KLHL29: variants seen among roughly 807,000 people sequenced by gnomAD.
KLHL29 encodes the protein kelch like family member 29, also known as kelch-like protein 29.
A neutral mutation model predicts 80.4 loss-of-function variants in KLHL29; 21 were observed. That is an observed-to-expected ratio of 0.26 (90% CI 0.19 to 0.38). The LOEUF (loss-of-function observed/expected upper bound fraction) is 0.38. Ranked by LOEUF, KLHL29 falls within the 10% of genes least tolerant of loss-of-function variation. KLHL29 has a pLI of 1.00. For synonymous variants in KLHL29, 511 were observed against 526.8 expected, an observed-to-expected ratio of 0.97 and a Z score of 0.41; for missense variants, 867 against 1,223.9, an observed-to-expected ratio of 0.71 and a Z score of 4.35.
intron 1 of KLHL29, among the ~76,000 whole-genome samples, chr2:23,419,245 C>T (rs1172820739): frequency 6.6e-6 from 1 of 152,248 alleles, no homozygotes; most frequent in African/African-American, 2.4e-5. Context: ...TGGCCCCGCC[C>T]TCTGGCCAGA....
rs182652834 is a variant in KLHL29 at position 23,591,964 on chromosome 2, G to A, written c.285+29483G>A. ...TCCTGAAGTCTTTCTTGCCAAGCCC[G>A]TTTAGCCTCAGAGCAGCTCCCCTTA... On this transcript the variant is annotated intron_variant, in intron 3 of 13. Transcript: ENST00000486442. Among the ~76,000 whole-genome samples the A allele has an allele frequency of 1.4e-3, 214 of 152,304 alleles. 1 individual carries two copies. The highest frequency in any genetic ancestry group is 5.0e-3 in the African/African-American group (209 of 41,570).
At chr2:23,619,503 C>G (rs1669112657) in intron 3 of KLHL29, among the ~76,000 whole-genome samples, 1 of 152,102 alleles carries the variant, frequency 6.6e-6, no homozygotes, top group South Asian at 2.1e-4. Context: ...GGCACTGACA[C>G]TGATGTGAGG....
At chr2:23,401,371 C>T (rs1666595671) in intron 1 of KLHL29, among the ~76,000 whole-genome samples, 1 of 152,212 alleles carries the variant, frequency 6.6e-6, no homozygotes, top group Non-Finnish European at 1.5e-5. Flanking sequence ...CACCAGGTCA[C>T]TGACAGCTAA....
At chr2:23,455,435 T>C (rs1664022637) in intron 1 of KLHL29, among the ~76,000 whole-genome samples, 1 of 152,218 alleles carries the variant, frequency 6.6e-6, no homozygotes, top group Non-Finnish European at 1.5e-5. Flanking sequence ...CTGTTGTTAG[T>C]GAAGGTCTTT....
At chr2:23,602,083 G>C (rs1313092562) in intron 3 of KLHL29, among the ~76,000 whole-genome samples, 1 of 152,178 alleles carries the variant, frequency 6.6e-6, no homozygotes, top group Non-Finnish European at 1.5e-5. Flanking sequence ...ACACAGCAAG[G>C]GTCCCCCAGT....
intron 3 of KLHL29, among the ~76,000 whole-genome samples, chr2:23,601,170 G>A (rs747007401): frequency 1.3e-5 from 2 of 152,106 alleles, no homozygotes; most frequent in Non-Finnish European, 2.9e-5. Context: ...GAACACTCAC[G>A]CTCCAAGACC....
chr2:23,548,846 C>A (rs971676435), intron 2 of KLHL29, among the ~76,000 whole-genome samples: 1 of 152,188 alleles, frequency 6.6e-6, no homozygotes, highest in Non-Finnish European at 1.5e-5. Flanking sequence ...ATTGAGTCTT[C>A]CGGGGGCTAT....
At chr2:23,575,081 C>T (rs183079534) in intron 3 of KLHL29, among the ~76,000 whole-genome samples, 1 of 152,304 alleles carries the variant, frequency 6.6e-6, no homozygotes, top group Admixed American at 6.5e-5. Context: ...CTCCCATTTG[C>T]TCCTCCCCCA....
intron 5 of KLHL29, among the ~76,000 whole-genome samples, chr2:23,663,132 C>G (rs957130879): frequency 3.3e-5 from 5 of 152,302 alleles, no homozygotes; most frequent in African/African-American, 1.2e-4. Context: ...CTGCTCCTCG[C>G]TGCTCCTCGC....
intron 3 of KLHL29, among the ~76,000 whole-genome samples, chr2:23,564,675 C>G (rs923799020): frequency 6.6e-6 from 1 of 152,242 alleles, no homozygotes; most frequent in Non-Finnish European, 1.5e-5. Flanking sequence ...GTGTCTGACC[C>G]CGTGCCAAGA....
chr2:23,582,535 G>A (rs1668012648), intron 3 of KLHL29, among the ~76,000 whole-genome samples: 1 of 152,166 alleles, frequency 6.6e-6, no homozygotes, highest in Non-Finnish European at 1.5e-5. Context: ...TCCTGAGATT[G>A]TCCTGCCCCT....
In KLHL29 at chr2:23,457,999, C is replaced by T. The variant is rs1489842087; in HGVS notation, c.-153-17561C>T. ...CTGCACTCCAGCCTGGGCGACAGAG[C>T]GAGACTCTGTCTCAAAAAATAAAAA... On this transcript the variant is annotated intron_variant, in intron 1 of 13. Coordinates refer to ENST00000486442, the MANE Select transcript of KLHL29 (RefSeq NM_052920.2). This position sits in a 1 kb window ranked among gnomAD's most constrained non-coding sequence, Gnocchi z 4.3. Among the ~76,000 whole-genome samples the T allele has an allele frequency of 6.6e-6, 1 of 151,838 alleles. No homozygotes were observed.
intron 3 of KLHL29, among the ~76,000 whole-genome samples, chr2:23,625,589 T>G (rs1669288310): frequency 6.6e-6 from 1 of 152,194 alleles, no homozygotes; most frequent in Non-Finnish European, 1.5e-5. Context: ...CTGTCTCCAT[T>G]CAACACTCCC....
rs549022250 is a variant in KLHL29 at position 23,587,448 on chromosome 2, G to A, written c.285+24967G>A. Among the ~76,000 whole-genome samples the A allele has an allele frequency of 7.9e-5, 12 of 152,104 alleles. No individual in the cohort carries two copies. In the South Asian group the frequency reaches 1.7e-3, roughly 21 times the overall value. On this transcript the variant is annotated intron_variant, in intron 3 of 13. Coordinates refer to ENST00000486442, the MANE Select transcript of KLHL29 (RefSeq NM_052920.2). ...GGAAATTTGCTGTTCTCAAGCCCTC[G>A]TACATGGAAATATAAGCCACCAGGA...
rs1054494433 is a variant in KLHL29 at position 23,629,078 on chromosome 2, G to A, written c.286-10061G>A. Among the ~76,000 whole-genome samples the A allele has an allele frequency of 1.1e-4, 17 of 152,350 alleles. No individual in the cohort carries two copies. The East Asian group carries it at 2.5e-3, about 23-fold the overall frequency. On this transcript the variant is annotated intron_variant, in intron 3 of 13. Coordinates refer to ENST00000486442, the MANE Select transcript of KLHL29 (RefSeq NM_052920.2). ...CGCGGTGACCAGAAACAGGCAGGGC[G>A]GCGGGGCCTCTGAGCAGGACGGGCC...
At chr2:23,428,243 G>A (rs1663059750) in intron 1 of KLHL29, among the ~76,000 whole-genome samples, 1 of 152,246 alleles carries the variant, frequency 6.6e-6, no homozygotes, top group Non-Finnish European at 1.5e-5. Context: ...GGGCAGAAAT[G>A]TAGGGGAGCT....
intron 3 of KLHL29, among the ~76,000 whole-genome samples, chr2:23,618,785 G>T (rs187375108): frequency 6.6e-6 from 1 of 152,146 alleles, no homozygotes; most frequent in African/African-American, 2.4e-5. Flanking sequence ...TTAAGGCAGG[G>T]GTTGAAATCT....
intron 2 of KLHL29, among the ~76,000 whole-genome samples, chr2:23,483,719 G>C (rs1664858223): frequency 6.6e-6 from 1 of 152,176 alleles, no homozygotes; most frequent in Admixed American, 6.5e-5. Flanking sequence ...AGGGGTTCTT[G>C]TTGCCATTTA....
chr2:23,594,198 C>T (rs1668339226), intron 3 of KLHL29, among the ~76,000 whole-genome samples: 1 of 152,116 alleles, frequency 6.6e-6, no homozygotes, highest in Non-Finnish European at 1.5e-5. Flanking sequence ...TTTACCAGAC[C>T]GGCCTTATTT....
Sources: allele counts gnomAD v4.1 joint callset (sites outside exome capture counted in the v4.1 genomes callset), GRCh38; gene constraint gnomAD v4.1.1; non-coding constraint Gnocchi (gnomAD v3.1); transcripts MANE v1.5; gene names NCBI Gene and HGNC (gene_info 2026-07-23, HGNC 2026-07-21).